The following DNM2 variants were observed in gnomAD, a reference collection of about 807,000 sequenced individuals.
The protein encoded by DNM2 is dynamin 2, also known as dynamin-2.
Under a neutral mutation model 99.0 loss-of-function variants are expected in DNM2, and 15 were observed. The ratio of observed to expected loss-of-function variants is 0.15; its 90% CI spans 0.10 to 0.23. The LOEUF is 0.23. DNM2 is among the 10% of genes least tolerant of loss of function. DNM2 has a pLI of 1.00. For synonymous variants in DNM2, 525 were observed against 481.2 expected (o/e 1.09, Z -1.19); for missense variants, 742 against 1,189.4 (o/e 0.62, Z 5.53).
At position 10,759,613 on chromosome 19, in the gene DNM2, G is replaced by A. The variant is rs965489145; in HGVS notation, c.162-125G>A. On this transcript the variant is annotated intron_variant, in intron 1 of 20. Transcript: ENST00000389253. ...CCAGAGCATTCCCCAGGGCCCAGCT[G>A]GGGTTGGTGCCTTTGCTGAGGTCGC... is the stretch of plus-strand genomic sequence containing the variant. The A allele has an allele frequency of 5.4e-6, 6 of 1,111,134 alleles. No individual in the cohort carries two copies. The African/African-American group carries it at 9.2e-5, about 17-fold the overall frequency. 68.8% of individuals were successfully genotyped at this position (1,111,134 alleles called of 1,614,324 possible).
At position 10,830,073 on chromosome 19, in the gene DNM2, C is replaced by T. The variant is rs936824349; in HGVS notation, c.2292-54C>T. On this transcript the variant is annotated intron_variant, in intron 19 of 20. Coordinates refer to ENST00000389253, the MANE Select transcript of DNM2 (RefSeq NM_001005361.3). The surrounding 1 kb of genome is among the most constrained non-coding windows in gnomAD (Gnocchi z 4.8). ...GGTTCTGGCAGCCACAGTGGCATGG[C>T]GGGGGCTCCTACTCCATCTGTATCT... 2.4e-5 allele frequency: 39 copies of T among 1,612,840 alleles called. No individual in the cohort carries two copies. The highest frequency in any genetic ancestry group is 4.0e-5 in the African/African-American group (3 of 74,840).
chr19:10,753,068 G>A (rs1440826430), intron 1 of DNM2, among the ~76,000 whole-genome samples: 3 of 152,178 alleles, frequency 2.0e-5, no homozygotes, highest in Non-Finnish European at 1.5e-5. Flanking sequence ...AGGTTGTAGT[G>A]AGCTGTGACC....
intron 5 of DNM2, among the ~76,000 whole-genome samples, chr19:10,782,445 G>A (rs1482933885): frequency 6.6e-6 from 1 of 150,624 alleles, no homozygotes; most frequent in Non-Finnish European, 1.5e-5. Context: ...TGCAACCTCC[G>A]CCTGCCGGGT....
At chr19:10,740,475 A>C (rs1209088149) in intron 1 of DNM2, among the ~76,000 whole-genome samples, 21 of 151,320 alleles carry the variant, frequency 1.4e-4, no homozygotes, top group Admixed American at 1.3e-3. Context: ...TCCCAGGTTC[A>C]CGCCATCCTC....
intron 12 of DNM2, among the ~76,000 whole-genome samples, chr19:10,804,225 T>C (rs111886201): frequency 0.015 from 2,217 of 152,176 alleles, 44 homozygotes; most frequent in African/African-American, 0.051. Context: ...CTGGCAAGGA[T>C]GGGAGCCAGG....
At chr19:10,808,690 C>G (rs1380936505) in intron 14 of DNM2, 110 bp downstream of exon 14, 2 of 1,363,068 alleles carry the variant, frequency 1.5e-6, no homozygotes, top group East Asian at 5.1e-5. Flanking sequence ...AACAAAAATA[C>G]TAAAAATCGA....
At chr19:10,778,970 C>CT (rs2071249208) in intron 5 of DNM2, among the ~76,000 whole-genome samples, 1 of 152,032 alleles carries the variant, frequency 6.6e-6, no homozygotes, top group South Asian at 2.1e-4. Context: ...AATCCCAGCA[C>CT]TTTGGGAGGC....
chr19:10,818,184 C>T lies in DNM2; in HGVS notation c.1672-1796C>T, dbSNP rs1385168709. Among the ~76,000 whole-genome samples, 1 of 152,136 alleles carries T rather than the reference C, an allele frequency of 6.6e-6. No homozygotes were observed. Among genetic ancestry groups the T allele is most frequent in the East Asian group, 1.9e-4 (1 of 5,146 alleles). On this transcript the variant is annotated intron_variant, in intron 15 of 20. Coordinates refer to ENST00000389253, the MANE Select transcript of DNM2 (RefSeq NM_001005361.3). This position sits in a 1 kb window ranked among gnomAD's most constrained non-coding sequence, Gnocchi z 4.3. ...CTTCCCTCCCTTGGGTCCGCAGCGG[C>T]ATCCCTCCCTCCATGGCCACCGGGC...
At chr19:10,751,294 C>T (rs1398128583) in intron 1 of DNM2, among the ~76,000 whole-genome samples, 2 of 151,974 alleles carry the variant, frequency 1.3e-5, no homozygotes, top group African/African-American at 4.8e-5. Context: ...GGTGGCCAAG[C>T]AGGGACTGGA....
At chr19:10,774,496 G>C (rs2071084244) in intron 3 of DNM2, among the ~76,000 whole-genome samples, 1 of 151,810 alleles carries the variant, frequency 6.6e-6, no homozygotes, top group Non-Finnish European at 1.5e-5. Flanking sequence ...GTGCAATCTT[G>C]GCTTACCGCA....
chr19:10,723,848 C>G (rs1035234046), intron 1 of DNM2, among the ~76,000 whole-genome samples: 1 of 152,140 alleles, frequency 6.6e-6, no homozygotes, highest in Non-Finnish European at 1.5e-5. Flanking sequence ...AATCTCAGCT[C>G]TTTGGGATCC....
At chr19:10,799,843 T>A (rs1020033783) in intron 11 of DNM2, among the ~76,000 whole-genome samples, 5 of 151,426 alleles carry the variant, frequency 3.3e-5, no homozygotes, top group African/African-American at 1.2e-4. Flanking sequence ...CTGCTTTTTC[T>A]TTTTTTAACA....
At chr19:10,726,526 C>G (rs1251445458) in intron 1 of DNM2, among the ~76,000 whole-genome samples, 2 of 152,170 alleles carry the variant, frequency 1.3e-5, no homozygotes, top group Non-Finnish European at 2.9e-5. Flanking sequence ...GAAGTTGTTC[C>G]TGGTTCCTTT....
Position 10,796,704 on chromosome 19 carries a change from C to T in DNM2, c.1197-676C>T, listed in dbSNP as rs1298863856. Among the ~76,000 whole-genome samples the T allele has an allele frequency of 1.3e-5, 2 of 152,126 alleles. No individual in the cohort carries two copies. The highest frequency in any genetic ancestry group is 2.9e-5 in the Non-Finnish European group (2 of 68,008). ...AGAGCCAGCTGGGGTCCTAAGTGCCCCTGCCCACCCCCTGCACCCCACGCT... is the reference window on the plus strand; with the variant it reads ...AGAGCCAGCTGGGGTCCTAAGTGCCTCTGCCCACCCCCTGCACCCCACGCT... On this transcript the variant is annotated intron_variant, in intron 9 of 20. Coordinates refer to ENST00000389253, the MANE Select transcript of DNM2 (RefSeq NM_001005361.3). This position sits in a 1 kb window ranked among gnomAD's most constrained non-coding sequence, Gnocchi z 5.6.
Position 10,796,239 on chromosome 19 carries a change from A to C in DNM2, c.1196+800A>C. 6.2e-7 allele frequency: 1 copy of C among 1,613,304 alleles called. No individual in the cohort carries two copies. The highest frequency in any genetic ancestry group is 1.1e-5 in the South Asian group (1 of 91,036). ...GCAGGGTGACTCCTGACCTTGTGGA[A>C]ACGGGGGTACGGGGGTTTGGTATCA... On this transcript the variant is annotated intron_variant, in intron 9 of 20. Coordinates refer to ENST00000389253, the MANE Select transcript of DNM2 (RefSeq NM_001005361.3). The surrounding 1 kb of genome is among the most constrained non-coding windows in gnomAD (Gnocchi z 5.6).
Position 10,765,948 on chromosome 19 carries a change from C to G in DNM2, c.235+6137C>G, listed in dbSNP as rs776942680. Among the ~76,000 whole-genome samples, 2 of 152,186 alleles carry G rather than the reference C, an allele frequency of 1.3e-5. No individual in the cohort carries two copies. Among genetic ancestry groups the G allele is most frequent in the Non-Finnish European group, 2.9e-5 (2 of 68,042 alleles). Reference sequence around the variant, plus strand: ...ACCCTAGCCCAGCCCCTGAGGGTTCCCTGAGACTAACAGCTGAGCCGTGTT... The same window carrying G: ...ACCCTAGCCCAGCCCCTGAGGGTTCGCTGAGACTAACAGCTGAGCCGTGTT... On this transcript the variant is annotated intron_variant, in intron 2 of 20. Coordinates refer to ENST00000389253, the MANE Select transcript of DNM2 (RefSeq NM_001005361.3). The surrounding 1 kb of genome is among the most constrained non-coding windows in gnomAD (Gnocchi z 4.4).
chr19:10,808,893 C>T, intron 14 of DNM2: 1 of 349,440 alleles, frequency 2.9e-6, no homozygotes, highest in Non-Finnish European at 5.3e-6. Context: ...CCTCCCCTCA[C>T]ATCCCTGGCT....
At chr19:10,804,839 T>A (rs2072278460) in intron 12 of DNM2, among the ~76,000 whole-genome samples, 1 of 152,328 alleles carries the variant, frequency 6.6e-6, no homozygotes, top group South Asian at 2.1e-4. Flanking sequence ...TCCCTTATCC[T>A]ACAGCCAACT....
intron 11 of DNM2, 85 bp downstream of exon 11, chr19:10,798,657 A>T: frequency 6.8e-7 from 1 of 1,478,704 alleles, no homozygotes; most frequent in South Asian, 1.2e-5. Flanking sequence ...TGACAGCTGC[A>T]TATGGCAAAG....
Sources: allele counts gnomAD v4.1 joint callset (sites outside exome capture counted in the v4.1 genomes callset), GRCh38; gene constraint gnomAD v4.1.1; non-coding constraint Gnocchi (gnomAD v3.1); transcripts MANE v1.5; gene names NCBI Gene and HGNC (gene_info 2026-07-23, HGNC 2026-07-21).